Variants in CHST10 observed in about 807,000 individuals in gnomAD.
The protein encoded by CHST10 is HNK-1 sulfotransferase.
In CHST10, 24 loss-of-function variants were observed where a neutral mutation model predicts 34.7. That is an observed-to-expected ratio of 0.69 (90% CI 0.50 to 0.97). The LOEUF is 0.97. Among genes scored for constraint, CHST10 ranks in the 50% least tolerant of loss-of-function variants. The pLI is 0.00. For missense variants in CHST10, 402 were observed against 452.1 expected (o/e 0.89, Z 1.00); for synonymous variants, 161 against 169.3 (o/e 0.95, Z 0.38).
In CHST10 at chr2:100,402,721, C is replaced by G. The variant is rs1437084572; in HGVS notation, c.101-66G>C. ...AGGCACACAGGTGGATGGGACAGAA[C>G]AGAGGCCCCAGAAATAGAAGCTCTC... is the stretch of plus-strand genomic sequence containing the variant. On this transcript the variant is annotated intron_variant, in intron 3 of 6. Transcript: ENST00000264249. The G allele has an allele frequency of 1.2e-5, 16 of 1,346,504 alleles. No individual in the cohort carries two copies. The African/African-American group carries it at 1.6e-4, about 13-fold the overall frequency. The allele number at this position is 1,346,504 out of a possible 1,614,324, so 83.4% of individuals were successfully genotyped here.
intron 2 of CHST10, among the ~76,000 whole-genome samples, chr2:100,412,246 C>A (rs1675874875): frequency 6.6e-6 from 1 of 152,200 alleles, no homozygotes; most frequent in South Asian, 2.1e-4. Flanking sequence ...TGCTCCACAT[C>A]CCATCATCTC....
intron 2 of CHST10, chr2:100,408,336 C>A (rs191771348): frequency 1.3e-5 from 2 of 152,294 alleles, no homozygotes; most frequent in East Asian, 3.9e-4. Context: ...CTCCTTCCGC[C>A]ACTCCATGTC....
At chr2:100,409,158 C>T (rs1015863293) in intron 2 of CHST10, among the ~76,000 whole-genome samples, 2 of 152,222 alleles carry the variant, frequency 1.3e-5, no homozygotes, top group Non-Finnish European at 2.9e-5. Flanking sequence ...TCCCTCCAGG[C>T]TTCCAACCCC....
chr2:100,406,836 A>G (rs1161132474), intron 2 of CHST10, 129 bp from the exon 3 acceptor site: 13 of 1,060,018 alleles, frequency 1.2e-5, no homozygotes, highest in Non-Finnish European at 1.6e-5. Context: ...CCACTGCTAC[A>G]ATAGGTAGTT....
intron 3 of CHST10, among the ~76,000 whole-genome samples, chr2:100,404,385 C>T (rs1675476061): frequency 6.6e-6 from 1 of 152,208 alleles, no homozygotes; most frequent in Admixed American, 6.5e-5. Context: ...TTTCACTCGC[C>T]TGAAGGCAGC....
At chr2:100,413,494 T>C (rs760014217) in intron 2 of CHST10, among the ~76,000 whole-genome samples, 25 of 152,124 alleles carry the variant, frequency 1.6e-4, no homozygotes, top group Non-Finnish European at 8.8e-5. Context: ...CTTAAGGCCT[T>C]ATGGGGAAAG....
chr2:100,397,063 C>T (rs1217075970), intron 5 of CHST10, among the ~76,000 whole-genome samples: 4 of 152,158 alleles, frequency 2.6e-5, no homozygotes, highest in Admixed American at 2.6e-4. Flanking sequence ...TGGGCAGCAT[C>T]AGGAGTGGCA....
intron 4 of CHST10, 71 bp from the exon 5 acceptor site, chr2:100,398,213 C>A: frequency 3.7e-6 from 4 of 1,091,408 alleles, no homozygotes; most frequent in Non-Finnish European, 5.3e-6. Context: ...AGCAGAGCCG[C>A]TCCTGCTGGT....
At chr2:100,404,586 T>G (rs1392649107) in intron 3 of CHST10, among the ~76,000 whole-genome samples, 1 of 152,196 alleles carries the variant, frequency 6.6e-6, no homozygotes, top group Non-Finnish European at 1.5e-5. Flanking sequence ...CTACCCCTGC[T>G]TAGCTTCCAG....
intron 1 of CHST10, 51 bp from the exon 2 acceptor site, chr2:100,415,162 A>AAT (rs1676015151): frequency 9.0e-7 from 1 of 1,115,886 alleles, no homozygotes; most frequent in Non-Finnish European, 1.2e-6. Context: ...TTACAAGATC[A>AAT]ACTTACTTAA....
chr2:100,404,374 C>T (rs556326020), intron 3 of CHST10, among the ~76,000 whole-genome samples: 1 of 152,344 alleles, frequency 6.6e-6, no homozygotes, highest in East Asian at 1.9e-4. Flanking sequence ...AAAGTGCCCC[C>T]TTTCACTCGC....
In CHST10 at chr2:100,393,580, C is replaced by T. The variant is rs768871548; in HGVS notation, c.736G>A (p.Asp246Asn). ...QFEDFVRYLGDPNHRWLDLQF... is the reference protein window; with the variant it reads ...QFEDFVRYLGNPNHRWLDLQF... ...AGGTCTAGCCATCTGTGGTTCGGAT[C>T]GCCGAGGTAGCGCACGAAATCTTCA... Residue 246 changes from aspartate (D) to asparagine (N), a missense_variant, in exon 7 of 7, where the codon GAT (aspartate) becomes AAT (asparagine). Asp to Asn is a conservative substitution (Grantham distance 23, BLOSUM62 1). Coordinates refer to ENST00000264249, the MANE Select transcript of CHST10 (RefSeq NM_004854.5). 9.3e-6 allele frequency: 15 copies of T among 1,613,964 alleles called. No homozygotes were observed. Among genetic ancestry groups the T allele is most frequent in the Admixed American group, 3.3e-5 (2 of 59,976 alleles).
rs1204208447 is a variant in CHST10, at chr2:100,393,037, G to A, written c.*208C>T. The stretch of plus-strand genomic sequence containing the variant: ...ACATCCTAATGCACGCAGGGGTGTG[G>A]GCAGGGTCCTCAGAGCATCTTACAT... On this transcript the variant is annotated 3_prime_UTR_variant, in exon 7 of 7. Transcript: ENST00000264249. 3 of 599,768 alleles carry A rather than the reference G, an allele frequency of 5.0e-6. No homozygotes were observed. The highest frequency in any genetic ancestry group is 8.8e-6 in the Non-Finnish European group (3 of 339,644). The allele number at this position is 599,768 out of a possible 1,614,324, so 37.2% of individuals were successfully genotyped here.
intron 3 of CHST10, among the ~76,000 whole-genome samples, chr2:100,403,373 T>A (rs904403213): frequency 3.3e-5 from 5 of 152,200 alleles, no homozygotes; most frequent in Non-Finnish European, 5.9e-5. Context: ...GGATTTATTT[T>A]CTTATGAGAA....
intron 2 of CHST10, among the ~76,000 whole-genome samples, chr2:100,409,084 G>A (rs1675705816): frequency 6.6e-6 from 1 of 152,180 alleles, no homozygotes; most frequent in African/African-American, 2.4e-5. Context: ...GTGACGCGCT[G>A]ACTCTGCAGA....
chr2:100,407,058 T>G (rs989628154), intron 2 of CHST10, among the ~76,000 whole-genome samples: 1 of 152,100 alleles, frequency 6.6e-6, no homozygotes, highest in African/African-American at 2.4e-5. Context: ...CCCACGATGG[T>G]CTGGAAGCAG....
intron 4 of CHST10, among the ~76,000 whole-genome samples, chr2:100,398,381 C>T: frequency 7.0e-6 from 1 of 143,410 alleles, no homozygotes; most frequent in South Asian, 2.2e-4. Flanking sequence ...AGCTTGGTTC[C>T]TCAGATCTTT....
chr2:100,400,228 A>T (rs1451801768), intron 4 of CHST10, among the ~76,000 whole-genome samples: 1 of 152,208 alleles, frequency 6.6e-6, no homozygotes, highest in Non-Finnish European at 1.5e-5. Flanking sequence ...TCTTTTAGCA[A>T]AGCATTAGAG....
chr2:100,415,220 A>G (rs1161366369), intron 1 of CHST10, 109 bp from the exon 2 acceptor site: 11 of 506,786 alleles, frequency 2.2e-5, no homozygotes, highest in Non-Finnish European at 3.1e-5. Context: ...CATTTTGATG[A>G]TTCAAATATA....
Sources: gnomAD v4.1 joint callset for allele counts (sites outside exome capture counted in the v4.1 genomes callset) on GRCh38, gnomAD v4.1.1 for gene constraint, MANE v1.5 for transcripts, NCBI Gene and HGNC (gene_info 2026-07-23, HGNC 2026-07-21) for gene names.